Variants in NAV2 observed in about 807,000 individuals in gnomAD.
The protein encoded by NAV2 is neuron navigator 2.
NAV2 carries 54 observed loss-of-function variants against 223.2 expected under a neutral mutation model. That is an observed-to-expected ratio of 0.24 (90% CI 0.19 to 0.30). The LOEUF (loss-of-function observed/expected upper bound fraction) is 0.30, where lower values mean the gene tolerates loss of function less well. NAV2 is among the 10% of genes least tolerant of loss of function. NAV2 has a pLI of 1.00. For missense variants in NAV2, 2,806 were observed against 3,147.5 expected (o/e 0.89, Z 2.60); for synonymous variants, 1,279 against 1,239.3 (o/e 1.03, Z -0.67).
intron 10 of NAV2, 65 bp downstream of exon 10, chr11:19,949,145 G>A: frequency 6.7e-7 from 1 of 1,497,850 alleles, no homozygotes; most frequent in Non-Finnish European, 8.9e-7. Context: ...CTTCTCTTTT[G>A]TAGGGCTCTA....
chr11:19,909,603 G>A (rs901319933), intron 6 of NAV2, among the ~76,000 whole-genome samples: 2 of 152,154 alleles, frequency 1.3e-5, no homozygotes, highest in East Asian at 3.9e-4. Context: ...GAGATTCCTG[G>A]CTGTAAAACA....
chr11:19,796,758 A>C (rs899857499), intron 1 of NAV2, among the ~76,000 whole-genome samples: 23 of 152,250 alleles, frequency 1.5e-4, no homozygotes, highest in African/African-American at 4.1e-4. Context: ...ACACACCCCG[A>C]GCAGAATTCT....
intron 26 of NAV2, among the ~76,000 whole-genome samples, chr11:20,089,121 G>T (rs141966720): frequency 0.012 from 1,896 of 152,178 alleles, 17 homozygotes; most frequent in Non-Finnish European, 0.02. Context: ...TTTCTGTCTC[G>T]CCCTTTTAGT....
At chr11:19,623,714 C>A (rs954421174) in intron 1 of NAV2, among the ~76,000 whole-genome samples, 1 of 152,214 alleles carries the variant, frequency 6.6e-6, no homozygotes, top group Non-Finnish European at 1.5e-5. Flanking sequence ...GTTCGAACAT[C>A]CTCCTTTAGC....
At chr11:19,798,970 A>C (rs966496684) in intron 1 of NAV2, among the ~76,000 whole-genome samples, 1 of 151,876 alleles carries the variant, frequency 6.6e-6, no homozygotes, top group South Asian at 2.1e-4. Context: ...CATCCCCTCC[A>C]CTCCGCTCAG....
intron 1 of NAV2, among the ~76,000 whole-genome samples, chr11:19,576,949 C>T (rs1394618353): frequency 1.3e-5 from 2 of 152,146 alleles, no homozygotes; most frequent in Admixed American, 6.5e-5. Context: ...GGACAGCTCC[C>T]CCTTCTCTAC....
intron 1 of NAV2, among the ~76,000 whole-genome samples, chr11:19,793,243 A>T (rs1270569693): frequency 4.2e-5 from 6 of 141,188 alleles, no homozygotes; most frequent in East Asian, 2.5e-4. Flanking sequence ...AGAAAGAAAG[A>T]AAGAAAGGAT....
At chr11:19,903,327 G>A (rs961030123) in intron 6 of NAV2, among the ~76,000 whole-genome samples, 1 of 152,174 alleles carries the variant, frequency 6.6e-6, no homozygotes, top group African/African-American at 2.4e-5. Flanking sequence ...GGTGGTTTGT[G>A]CCAAGGCCTC....
chr11:19,426,234 T>C (rs943815205), intron 1 of NAV2, among the ~76,000 whole-genome samples: 1 of 152,128 alleles, frequency 6.6e-6, no homozygotes, highest in African/African-American at 2.4e-5. Flanking sequence ...CAGCTCTAGA[T>C]GTAAAGTGTT....
At chr11:19,936,855 A>G (rs2585766) in intron 7 of NAV2, among the ~76,000 whole-genome samples, 149,956 of 152,316 alleles carry the variant, frequency 0.98, 73,845 homozygotes, top group Middle Eastern at 1. Context: ...AACCAGGTGT[A>G]GGCTGGGCAT....
intron 1 of NAV2, among the ~76,000 whole-genome samples, chr11:19,387,624 A>C (rs1268620180): frequency 6.6e-6 from 1 of 152,166 alleles, no homozygotes; most frequent in Non-Finnish European, 1.5e-5. Context: ...GCCAGGTCGC[A>C]GGCAGCACTG....
At chr11:20,039,536 G>T (rs1255130795) in intron 12 of NAV2, among the ~76,000 whole-genome samples, 1 of 152,132 alleles carries the variant, frequency 6.6e-6, no homozygotes, top group African/African-American at 2.4e-5. Flanking sequence ...ACTAAAGGTT[G>T]ACTACGTTCT....
rs552708953 is a variant in NAV2, at chr11:19,555,453, G to C, written c.75+204426G>C. On this transcript the variant is annotated intron_variant, in intron 1 of 37. Coordinates refer to the NAV2 transcript ENST00000360655. ...AGCCAACACTCCCAGACCTGGGGGG[G>C]GCTCTGGGCAGCTCACCACAGCATC... 5.3e-5 allele frequency among the ~76,000 whole-genome samples: 8 copies of C among 152,204 alleles called. 1 individual carries two copies. The South Asian group carries it at 8.3e-4, about 16-fold the overall frequency.
chr11:19,418,883 G>C (rs1481937895), intron 1 of NAV2, among the ~76,000 whole-genome samples: 1 of 152,084 alleles, frequency 6.6e-6, no homozygotes, highest in Non-Finnish European at 1.5e-5. Context: ...GAGGATGATG[G>C]GCTCATCTCT....
intron 11 of NAV2, among the ~76,000 whole-genome samples, chr11:20,015,094 A>G (rs12420911): frequency 0.05 from 7,679 of 152,276 alleles, 351 homozygotes; most frequent in Admixed American, 0.084. Context: ...CACTGTCTCA[A>G]AAAAGGTAGT....
At chr11:19,404,723 C>T (rs925961732) in intron 1 of NAV2, among the ~76,000 whole-genome samples, 2 of 152,148 alleles carry the variant, frequency 1.3e-5, no homozygotes, top group Non-Finnish European at 1.5e-5. Context: ...TATGCTAAAT[C>T]GAGTGATCAC....
At chr11:20,073,696 C>T (rs1488263411) in intron 22 of NAV2, among the ~76,000 whole-genome samples, 2 of 152,180 alleles carry the variant, frequency 1.3e-5, no homozygotes, top group African/African-American at 4.8e-5. Context: ...TTATCCATTT[C>T]TTCTAGATTT....
At chr11:19,939,616 G>T (rs1318924811) in intron 7 of NAV2, 45 bp from the exon 8 acceptor site, 6 of 1,508,152 alleles carry the variant, frequency 4.0e-6, no homozygotes, top group Non-Finnish European at 5.5e-6. Flanking sequence ...AGATGTGGTA[G>T]TTGCCTCTCA....
chr11:19,456,507 TC>T (rs1851963168), intron 1 of NAV2, among the ~76,000 whole-genome samples: 1 of 152,146 alleles, frequency 6.6e-6, no homozygotes, highest in Admixed American at 6.5e-5. Context: ...TCACAGCTCC[TC>T]CCAATACCTA....
Sources: gnomAD v4.1 joint callset for allele counts (sites outside exome capture counted in the v4.1 genomes callset) on GRCh38, gnomAD v4.1.1 for gene constraint, MANE v1.5 for transcripts, NCBI Gene and HGNC (gene_info 2026-07-23, HGNC 2026-07-21) for gene names.